Variants in ARHGAP24 observed in about 807,000 individuals in gnomAD.
ARHGAP24 encodes the protein Rho GTPase activating protein 24, also known as rho GTPase-activating protein 24.
A neutral mutation model predicts 76.4 loss-of-function variants in ARHGAP24; 50 were observed. The observed-to-expected ratio is 0.65, with a 90% confidence interval of 0.52 to 0.83. The LOEUF (loss-of-function observed/expected upper bound fraction) is 0.83, where lower values mean the gene tolerates loss of function less well. Ranked by LOEUF, ARHGAP24 falls within the 40% of genes least tolerant of loss-of-function variation. ARHGAP24 has a pLI of 0.00. For missense variants in ARHGAP24, 930 were observed against 914.2 expected, an observed-to-expected ratio of 1.02 and a Z score of -0.22; for synonymous variants, 345 against 323.3, an observed-to-expected ratio of 1.07 and a Z score of -0.72.
Position 85,487,615 on chromosome 4 carries a change from AAC to A in ARHGAP24, c.-21+12058_-21+12059del, listed in dbSNP as rs1192334512. On this transcript the variant is annotated intron_variant, in intron 1 of 9. Transcript: ENST00000395184. ...AAATATATATTTATTATATTATATA[AAC>A]ATATATTTATTACATATTATATAAA... is the stretch of plus-strand genomic sequence containing the variant. 9.8e-5 allele frequency among the ~76,000 whole-genome samples: 10 copies of A among 102,522 alleles called. 1 individual carries two copies. Among genetic ancestry groups the A allele is most frequent in the South Asian group, 3.0e-4 (1 of 3,326 alleles). 67.3% of individuals were successfully genotyped at this position (102,522 alleles called of 152,430 possible).
chr4:85,851,567 G>A (rs527328138), intron 3 of ARHGAP24, among the ~76,000 whole-genome samples: 1 of 152,204 alleles, frequency 6.6e-6, no homozygotes, highest in Non-Finnish European at 1.5e-5. Flanking sequence ...AATTTGGCCT[G>A]TTTTTGCAGT....
chr4:85,608,872 T>G (rs1017309210), intron 2 of ARHGAP24, among the ~76,000 whole-genome samples: 47 of 152,280 alleles, frequency 3.1e-4, no homozygotes, highest in African/African-American at 1.1e-3. Flanking sequence ...TACTCAATGT[T>G]TTTAAATATG....
chr4:85,989,945 T>C (rs770928173), intron 8 of ARHGAP24: 1 of 151,714 alleles, frequency 6.6e-6, no homozygotes, highest in South Asian at 2.1e-4. Flanking sequence ...TCCATTGTAC[T>C]GGAAATCCTA....
At chr4:85,836,809 A>G (rs1471954468) in intron 3 of ARHGAP24, among the ~76,000 whole-genome samples, 1 of 152,220 alleles carries the variant, frequency 6.6e-6, no homozygotes, top group African/African-American at 2.4e-5. Context: ...CAGCATCAGT[A>G]TCCTGTCAGC....
intron 8 of ARHGAP24, chr4:85,992,161 A>C (rs1431920092): frequency 2.5e-6 from 1 of 397,658 alleles, no homozygotes; most frequent in African/African-American, 2.1e-5. Flanking sequence ...CCTCATTGGC[A>C]TTCTAAGAAG....
At chr4:85,674,206 T>C (rs1038143216) in intron 2 of ARHGAP24, among the ~76,000 whole-genome samples, 1 of 152,176 alleles carries the variant, frequency 6.6e-6, no homozygotes, top group Admixed American at 6.5e-5. Context: ...CTGGATGCTG[T>C]TGATGCTGCA....
At chr4:85,895,531 G>GA in intron 3 of ARHGAP24, among the ~76,000 whole-genome samples, 1 of 152,058 alleles carries the variant, frequency 6.6e-6, no homozygotes, top group South Asian at 2.1e-4. Context: ...TTTTCCTGAG[G>GA]AAAAAAATAT....
intron 2 of ARHGAP24, among the ~76,000 whole-genome samples, chr4:85,708,345 G>A (rs1191101062): frequency 6.6e-6 from 1 of 152,086 alleles, no homozygotes; most frequent in Non-Finnish European, 1.5e-5. Context: ...ACTAATCCCT[G>A]ACCATGTATC....
At chr4:85,685,580 C>T (rs1004958144) in intron 2 of ARHGAP24, among the ~76,000 whole-genome samples, 1 of 150,964 alleles carries the variant, frequency 6.6e-6, no homozygotes, top group African/African-American at 2.4e-5. Context: ...TTGCAGTTAG[C>T]CGAGATCGTG....
At chr4:85,540,513 T>C (rs999760811) in intron 1 of ARHGAP24, among the ~76,000 whole-genome samples, 3 of 152,204 alleles carry the variant, frequency 2.0e-5, no homozygotes, top group African/African-American at 7.2e-5. Flanking sequence ...CTATCAATTT[T>C]ATTGGAGCAT....
At chr4:85,745,288 C>T (rs1415350483) in intron 3 of ARHGAP24, among the ~76,000 whole-genome samples, 2 of 144,732 alleles carry the variant, frequency 1.4e-5, no homozygotes, top group Non-Finnish European at 3.1e-5. Context: ...CTAATATATA[C>T]CGTAGTATAT....
At chr4:85,816,689 T>G (rs936410849) in intron 3 of ARHGAP24, among the ~76,000 whole-genome samples, 6 of 152,240 alleles carry the variant, frequency 3.9e-5, no homozygotes, top group Admixed American at 1.3e-4. Context: ...GAGGTTGATT[T>G]TATATCTTGG....
At chr4:85,602,969 G>A (rs891256733) in intron 2 of ARHGAP24, among the ~76,000 whole-genome samples, 1 of 152,058 alleles carries the variant, frequency 6.6e-6, no homozygotes, top group Non-Finnish European at 1.5e-5. Flanking sequence ...TGTCTAATAT[G>A]TTAGGGATTA....
intron 3 of ARHGAP24, among the ~76,000 whole-genome samples, chr4:85,863,709 C>A (rs1283542380): frequency 6.6e-6 from 1 of 152,006 alleles, no homozygotes; most frequent in African/African-American, 2.4e-5. Flanking sequence ...TAAAGGGGAA[C>A]CTTGAATTGT....
chr4:85,775,137 A>C (rs1029567290), intron 3 of ARHGAP24, among the ~76,000 whole-genome samples: 1 of 152,166 alleles, frequency 6.6e-6, no homozygotes, highest in Non-Finnish European at 1.5e-5. Context: ...AAGAAAATTA[A>C]AATGGGGAAA....
chr4:85,689,586 G>T (rs1723554933), intron 2 of ARHGAP24, among the ~76,000 whole-genome samples: 1 of 151,896 alleles, frequency 6.6e-6, no homozygotes, highest in South Asian at 2.1e-4. Context: ...ACGAGGTTTT[G>T]CCATGTTACC....
chr4:85,993,203 G>A (rs1415051140), intron 8 of ARHGAP24, among the ~76,000 whole-genome samples: 2 of 152,118 alleles, frequency 1.3e-5, no homozygotes, highest in African/African-American at 4.8e-5. Flanking sequence ...TCTGCATTGG[G>A]TGCTAAAATT....
rs758457732 is a variant in ARHGAP24 at position 85,783,674 on chromosome 4, G to C, written c.268+61702G>C. ...GTACCCCATTCTCTGAAAATCCCCAGGGAGTGGAAGGGTTCTCATACTAAA... is the reference window on the plus strand; with the variant it reads ...GTACCCCATTCTCTGAAAATCCCCACGGAGTGGAAGGGTTCTCATACTAAA... On this transcript the variant is annotated intron_variant, in intron 3 of 9. Transcript: ENST00000395184. Among the ~76,000 whole-genome samples, 32 of 152,096 alleles carry C rather than the reference G, an allele frequency of 2.1e-4. 1 individual carries two copies. Among genetic ancestry groups the C allele is most frequent in the Non-Finnish European group, 3.2e-4 (22 of 68,014 alleles).
At chr4:85,566,504 C>G (rs181778442) in intron 1 of ARHGAP24, among the ~76,000 whole-genome samples, 32 of 152,256 alleles carry the variant, frequency 2.1e-4, no homozygotes, top group African/African-American at 7.2e-4. Flanking sequence ...GGAAAAAAGT[C>G]AAGTTCTTAG....
Sources: allele counts gnomAD v4.1 joint callset (sites outside exome capture counted in the v4.1 genomes callset), GRCh38; gene constraint gnomAD v4.1.1; transcripts MANE v1.5; gene names NCBI Gene and HGNC (gene_info 2026-07-23, HGNC 2026-07-21).